The following WDR27 variants were observed in gnomAD, a reference collection of about 807,000 sequenced individuals.
The protein encoded by WDR27 is WD repeat domain 27.
In WDR27, 100 loss-of-function variants were observed where a neutral mutation model predicts 114.4. That is an observed-to-expected ratio of 0.87 (90% CI 0.74 to 1.03). The LOEUF is 1.03. WDR27 is among the 50% of genes least tolerant of loss of function. The pLI, the probability that WDR27 is intolerant of heterozygous loss-of-function variation, is 0.00. For synonymous variants in WDR27, 449 were observed against 423.1 expected, an observed-to-expected ratio of 1.06 and a Z score of -0.75; for missense variants, 1,129 against 1,092.9, an observed-to-expected ratio of 1.03 and a Z score of -0.47.
intron 25 of WDR27, among the ~76,000 whole-genome samples, chr6:169,480,045 G>A (rs375995725): frequency 2.9e-4 from 44 of 152,308 alleles, no homozygotes; most frequent in African/African-American, 7.5e-4. Context: ...AGGGAGAGGC[G>A]TGGGCAGGAA....
At chr6:169,517,041 A>C (rs1793762867) in intron 25 of WDR27, among the ~76,000 whole-genome samples, 1 of 152,106 alleles carries the variant, frequency 6.6e-6, no homozygotes, top group Non-Finnish European at 1.5e-5. Context: ...GTTGAAATGT[A>C]ATCTCCAATG....
chr6:169,640,099 C>A (rs915946782), intron 17 of WDR27, among the ~76,000 whole-genome samples: 4 of 152,138 alleles, frequency 2.6e-5, no homozygotes, highest in Admixed American at 2.0e-4. Context: ...TGCTTCCTGA[C>A]GACAAATGAC....
At position 169,613,727 on chromosome 6, in the gene WDR27, C is replaced by T. The variant is rs991275471; in HGVS notation, c.2224-71G>A. On this transcript the variant is annotated intron_variant, in intron 21 of 25. Transcript: ENST00000448612. ...TTAATAAGCGTTATGCTAATGATAT[C>T]TCATAATAGCTGATTCTCAAGTAAG... The T allele has an allele frequency of 7.8e-6, 10 of 1,273,964 alleles. No homozygotes were observed. The Admixed American group carries it at 1.3e-4, about 16-fold the overall frequency. 78.9% of individuals were successfully genotyped at this position (1,273,964 alleles called of 1,614,324 possible). A position where few individuals can be genotyped will look rare whatever the true frequency, so the allele number is the denominator to read the frequency against.
chr6:169,655,902 T>G (rs1824049197), intron 13 of WDR27, among the ~76,000 whole-genome samples: 1 of 152,144 alleles, frequency 6.6e-6, no homozygotes, highest in East Asian at 1.9e-4. Context: ...TCTTGTATTT[T>G]TAGTAGAGAC....
chr6:169,537,861 T>G (rs1340039797), intron 25 of WDR27, among the ~76,000 whole-genome samples: 1 of 152,124 alleles, frequency 6.6e-6, no homozygotes, highest in Admixed American at 6.5e-5. Context: ...AGGGTTTGGG[T>G]TATGTATTAA....
At chr6:169,600,356 G>GA (rs1160987766) in intron 23 of WDR27, among the ~76,000 whole-genome samples, 1 of 152,122 alleles carries the variant, frequency 6.6e-6, no homozygotes, top group African/African-American at 2.4e-5. Flanking sequence ...AAACCACAAA[G>GA]ATGGGGAAAA....
chr6:169,615,560 G>T (rs1272546468), intron 21 of WDR27, among the ~76,000 whole-genome samples: 1 of 152,210 alleles, frequency 6.6e-6, no homozygotes, highest in African/African-American at 2.4e-5. Context: ...AATAAATGGT[G>T]CTGGGATAAC....
chr6:169,464,852 G>T (rs1785350065), intron 25 of WDR27, among the ~76,000 whole-genome samples: 1 of 152,254 alleles, frequency 6.6e-6, no homozygotes, highest in East Asian at 1.9e-4. Flanking sequence ...CAGGCACGGT[G>T]GCCCATGCCT....
chr6:169,568,041 C>T (rs958894846), intron 25 of WDR27, among the ~76,000 whole-genome samples: 8 of 152,316 alleles, frequency 5.3e-5, no homozygotes, highest in South Asian at 2.1e-4. Context: ...CTGCCGAAAC[C>T]GCACTGTAAA....
chr6:169,506,409 G>A (rs565336263), intron 25 of WDR27, among the ~76,000 whole-genome samples: 1 of 152,252 alleles, frequency 6.6e-6, no homozygotes, highest in African/African-American at 2.4e-5. Flanking sequence ...GGTGTTGTTG[G>A]TGCTAATCTT....
chr6:169,690,647 G>A (rs185365799), intron 1 of WDR27, among the ~76,000 whole-genome samples: 1 of 152,288 alleles, frequency 6.6e-6, no homozygotes, highest in African/African-American at 2.4e-5. Flanking sequence ...CTGATAGGAT[G>A]GAATCCTTTG....
At chr6:169,426,594 G>A in the WDR27 span, 51,469 of 152,096 alleles carry the variant, frequency 0.34, 10,475 homozygotes, top group African/African-American at 0.57. Context: ...TGAGTTCTGC[G>A]AGAGCCACTG....
At chr6:169,647,295 C>T (rs572549063) in intron 16 of WDR27, among the ~76,000 whole-genome samples, 3 of 152,208 alleles carry the variant, frequency 2.0e-5, no homozygotes, top group East Asian at 1.9e-4. Flanking sequence ...GAAAAGGTCC[C>T]GGCTGAGGGT....
intron 25 of WDR27, among the ~76,000 whole-genome samples, chr6:169,554,880 A>T (rs1486386478): frequency 6.6e-6 from 1 of 152,182 alleles, no homozygotes; most frequent in Non-Finnish European, 1.5e-5. Context: ...GTTTTCTAGA[A>T]TTCTGTGTGG....
intron 25 of WDR27, among the ~76,000 whole-genome samples, chr6:169,566,381 C>A (rs1800495857): frequency 6.6e-6 from 1 of 152,194 alleles, no homozygotes; most frequent in South Asian, 2.1e-4. Context: ...GCCCCCAACC[C>A]ACAGAGGGGC....
intron 25 of WDR27, among the ~76,000 whole-genome samples, chr6:169,522,200 T>C (rs1470992898): frequency 6.6e-6 from 1 of 151,952 alleles, no homozygotes; most frequent in Non-Finnish European, 1.5e-5. Flanking sequence ...TATCAGATAA[T>C]AGACTACAAA....
At chr6:169,514,548 A>ATAT (rs71008098) in intron 25 of WDR27, among the ~76,000 whole-genome samples, 42 of 146,680 alleles carry the variant, frequency 2.9e-4, no homozygotes, top group African/African-American at 8.9e-4. Flanking sequence ...TTGGGGGAAA[A>ATAT]ATATATATAT....
intron 21 of WDR27, among the ~76,000 whole-genome samples, chr6:169,628,237 G>T (rs77641366): frequency 0.014 from 2,067 of 152,264 alleles, 51 homozygotes; most frequent in African/African-American, 0.048. Context: ...AAGCCCTCAT[G>T]AGACGCTGAT....
intron 2 of WDR27, among the ~76,000 whole-genome samples, chr6:169,676,896 C>G (rs531453150): frequency 1.3e-5 from 2 of 152,314 alleles, no homozygotes; most frequent in Admixed American, 1.3e-4. Flanking sequence ...CTGACCATCA[C>G]GCACATGTTC....
Sources: allele counts gnomAD v4.1 joint callset (sites outside exome capture counted in the v4.1 genomes callset), GRCh38; gene constraint gnomAD v4.1.1; transcripts MANE v1.5; gene names NCBI Gene and HGNC (gene_info 2026-07-23, HGNC 2026-07-21).